The following FAM111B variants were observed in gnomAD, a reference collection of about 807,000 sequenced individuals.
FAM111B encodes FAM111 trypsin like peptidase B.
In FAM111B, 1 loss-of-function variant was observed where a neutral mutation model predicts 2.8. That is an observed-to-expected ratio of 0.36 (90% CI 0.13 to 1.70). The LOEUF (loss-of-function observed/expected upper bound fraction) is 1.70. Ranked by LOEUF, FAM111B falls within the 40% of genes most tolerant of loss-of-function variation. The probability of loss-of-function intolerance (pLI) is 0.35; values close to 1 mark genes in which losing one functional copy is unlikely to be tolerated. For synonymous variants in FAM111B, 297 were observed against 295.6 expected, an observed-to-expected ratio of 1.00 and a Z score of -0.05; for missense variants, 882 against 878.9, an observed-to-expected ratio of 1.00 and a Z score of -0.04.
At chr11:59,122,805 C>A (rs1859944348) in intron 3 of FAM111B, among the ~76,000 whole-genome samples, 1 of 152,024 alleles carries the variant, frequency 6.6e-6, no homozygotes, top group Non-Finnish European at 1.5e-5. Context: ...GATAGGAGAG[C>A]CCCAAGACGA....
chr11:59,114,057 AG>A (rs1859803789), intron 3 of FAM111B, among the ~76,000 whole-genome samples: 2 of 152,256 alleles, frequency 1.3e-5, no homozygotes, highest in South Asian at 4.1e-4. Context: ...GAACATACAA[AG>A]GTAACAGAAA....
chr11:59,113,500 C>G (rs1345862929), intron 3 of FAM111B, among the ~76,000 whole-genome samples: 1 of 152,214 alleles, frequency 6.6e-6, no homozygotes, highest in East Asian at 1.9e-4. Context: ...ATCCTGACAT[C>G]ATGCAGCTTT....
At position 59,124,756 on chromosome 11, in the gene FAM111B, C is replaced by A; in HGVS notation, c.659C>A (p.Thr220Asn). 6.2e-7 allele frequency: 1 copy of A among 1,613,748 alleles called. No homozygotes were observed. The highest frequency in any genetic ancestry group is 8.5e-7 in the Non-Finnish European group (1 of 1,179,810). Residue 220 changes from threonine to asparagine, a missense_variant, in exon 4 of 4, where the codon ACT becomes AAT. Transcript: ENST00000343597. ...KLCIYALKGETIEGALCKDGR... is the reference protein window; with the variant it reads ...KLCIYALKGENIEGALCKDGR... ...TGTATTTATGCCTTGAAGGGTGAGA[C>A]TATTGAAGGAGCCTTATGCAAGGAT... is the stretch of plus-strand genomic sequence containing the variant.
rs538348943 is a variant in FAM111B, at chr11:59,126,126, G to A, written c.2029G>A (p.Val677Met). The A allele has an allele frequency of 3.5e-5, 56 of 1,612,994 alleles. No individual in the cohort carries two copies. The Admixed American group carries it at 8.2e-4, about 24-fold the overall frequency. Reference protein sequence around the residue: ...FGLFYQRGFNVHALIEFGYSM... With the variant: ...FGLFYQRGFNMHALIEFGYSM... Reference sequence around the variant, plus strand: ...GCTTTTTTATCAACGAGGATTTAATGTGCATGCCCTTATTGAATTTGGTTA... The same window carrying A: ...GCTTTTTTATCAACGAGGATTTAATATGCATGCCCTTATTGAATTTGGTTA... Residue 677 changes from valine (V) to methionine (M), a missense_variant, in exon 4 of 4, where the codon GTG (valine) becomes ATG (methionine). Transcript: ENST00000343597.
intron 3 of FAM111B, among the ~76,000 whole-genome samples, chr11:59,116,336 T>C (rs1233879849): frequency 1.3e-5 from 2 of 152,236 alleles, no homozygotes; most frequent in Non-Finnish European, 2.9e-5. Context: ...CAAATATGCC[T>C]GACCACACAT....
intron 3 of FAM111B, 81 bp downstream of exon 3, chr11:59,109,787 T>G: frequency 1.1e-6 from 1 of 871,792 alleles, no homozygotes; most frequent in East Asian, 2.6e-5. Context: ...GATAAGTTCT[T>G]AAACAATGGT....
intron 3 of FAM111B, among the ~76,000 whole-genome samples, chr11:59,118,617 A>G (rs1045142408): frequency 2.6e-4 from 40 of 152,312 alleles, no homozygotes; most frequent in African/African-American, 9.1e-4. Flanking sequence ...TGCCAGAGCA[A>G]ACATTCTTGT....
At chr11:59,114,025 A>G (rs973147781) in intron 3 of FAM111B, among the ~76,000 whole-genome samples, 8 of 152,244 alleles carry the variant, frequency 5.3e-5, no homozygotes, top group Middle Eastern at 3.2e-3. Context: ...AGACAAATAG[A>G]AAGTTTTCGC....
At chr11:59,112,378 T>C (rs111810296) in intron 3 of FAM111B, among the ~76,000 whole-genome samples, 3,252 of 152,330 alleles carry the variant, frequency 0.021, 127 homozygotes, top group African/African-American at 0.074. Flanking sequence ...ACTGTGTGAA[T>C]GTATCAAAAT....
At position 59,113,893 on chromosome 11, in the gene FAM111B, G is replaced by A. The variant is rs1381298224; in HGVS notation, c.81+4187G>A. 2.0e-5 allele frequency among the ~76,000 whole-genome samples: 3 copies of A among 152,204 alleles called. No homozygotes were observed. The East Asian group carries it at 5.8e-4, about 29-fold the overall frequency. ...TTTGTTCAGAATGCATTTGAAACCT[G>A]GCCCCTCGGCAAACTTTACTGACCA... On this transcript the variant is annotated intron_variant, in intron 3 of 3. Transcript: ENST00000343597.
At chr11:59,112,747 C>T (rs1590887984) in intron 3 of FAM111B, among the ~76,000 whole-genome samples, 1 of 152,182 alleles carries the variant, frequency 6.6e-6, no homozygotes, top group Non-Finnish European at 1.5e-5. Flanking sequence ...CACTATGACT[C>T]ATGATTTGAG....
chr11:59,109,568 C>G lies in FAM111B; in HGVS notation c.-58C>G. On this transcript the variant is annotated 5_prime_UTR_variant, in exon 3 of 4. In the 5' UTR this introduces an upstream ATG that the reference lacks. Transcript: ENST00000343597. ...TTTCAGGTGGCAGAATAAATTCAAT[C>G]CTTGTTTCTCCATCTTATCGAGTAG... The G allele has an allele frequency of 8.2e-7, 1 of 1,217,394 alleles. No individual in the cohort carries two copies. The highest frequency in any genetic ancestry group is 2.2e-5 in the Admixed American group (1 of 44,948). 75.4% of individuals were successfully genotyped at this position (1,217,394 alleles called of 1,614,324 possible).
intron 3 of FAM111B, among the ~76,000 whole-genome samples, chr11:59,114,345 G>A (rs1423806889): frequency 2.0e-5 from 3 of 152,202 alleles, no homozygotes; most frequent in Non-Finnish European, 4.4e-5. Context: ...GAAGATGCTT[G>A]AAGGGATAGA....
In FAM111B at chr11:59,125,773, C is replaced by A; in HGVS notation, c.1676C>A (p.Pro559Gln). The change falls in exon 4 of 4, where the codon CCA becomes CAA. Residue 559 changes from proline (P) to glutamine (Q), a missense_variant. Physicochemically the swap from Pro to Gln is moderately conservative, Grantham distance 76 (BLOSUM62 -1). Transcript: ENST00000343597. ...KLKENGNAFP[P>Q]GLWRQISPQP... ...AAAGAAAATGGAAATGCGTTTCCTC[C>A]AGGACTATGGCGACAGATTTCTCCT... 6.2e-7 allele frequency: 1 copy of A among 1,613,792 alleles called. No individual in the cohort carries two copies. The highest frequency in any genetic ancestry group is 8.5e-7 in the Non-Finnish European group (1 of 1,179,832).
intron 1 of FAM111B, 30 bp from the exon 2 acceptor site, chr11:59,108,638 C>A (rs577169067): frequency 2.0e-5 from 3 of 152,610 alleles, no homozygotes; most frequent in Admixed American, 1.3e-4. Context: ...ATGTTTTGCT[C>A]TTTTTTGTTT....
chr11:59,111,153 T>G (rs1859752402), intron 3 of FAM111B, among the ~76,000 whole-genome samples: 1 of 152,142 alleles, frequency 6.6e-6, no homozygotes, highest in African/African-American at 2.4e-5. Flanking sequence ...GATGCTTTAC[T>G]CTCCCTATAA....
intron 3 of FAM111B, 183 bp downstream of exon 3, chr11:59,109,889 A>G (rs113526559): frequency 4.7e-4 from 183 of 389,068 alleles, no homozygotes; most frequent in African/African-American, 3.3e-3. Flanking sequence ...AGAGTTAACA[A>G]TGCTAAACGT....
rs1859993444 is a variant in FAM111B at position 59,124,951 on chromosome 11, A to G, written c.854A>G (p.Gln285Arg). The change falls in exon 4 of 4, where the codon CAG becomes CGG. Residue 285 changes from glutamine (Q) to arginine (R), a missense_variant. Physicochemically the swap from Gln to Arg is conservative, Grantham distance 43. Coordinates refer to ENST00000343597, the MANE Select transcript of FAM111B (RefSeq NM_198947.4). Reference protein sequence around the residue: ...QQKDIHKKIKQNESATDEINH... With the variant: ...QQKDIHKKIKRNESATDEINH... ...AAAGATATCCATAAAAAAATTAAACAGAATGAAAGTGCCACTGATGAAATT... is the reference window on the plus strand; with the variant it reads ...AAAGATATCCATAAAAAAATTAAACGGAATGAAAGTGCCACTGATGAAATT... 6.2e-7 allele frequency: 1 copy of G among 1,606,902 alleles called. No homozygotes were observed. The highest frequency in any genetic ancestry group is 8.5e-7 in the Non-Finnish European group (1 of 1,178,250).
At position 59,126,310 on chromosome 11, in the gene FAM111B, A is replaced by G. The variant is rs367710986; in HGVS notation, c.*8A>G. 1 of 1,498,760 alleles carries G rather than the reference A, an allele frequency of 6.7e-7. No individual in the cohort carries two copies. Among genetic ancestry groups the G allele is most frequent in the East Asian group, 2.3e-5 (1 of 43,440 alleles). The allele number at this position is 1,498,760 out of a possible 1,614,324, so 92.8% of individuals were successfully genotyped here. On this transcript the variant is annotated 3_prime_UTR_variant, in exon 4 of 4. Transcript: ENST00000343597. ...GAACCCATGGAATGTTAGAAAAGAGATGCTGTCTTCAAGAAAATATGCCAA... is the reference window on the plus strand; with the variant it reads ...GAACCCATGGAATGTTAGAAAAGAGGTGCTGTCTTCAAGAAAATATGCCAA...
Sources: gnomAD v4.1 joint callset for allele counts (sites outside exome capture counted in the v4.1 genomes callset) on GRCh38, gnomAD v4.1.1 for gene constraint, MANE v1.5 for transcripts, NCBI Gene and HGNC (gene_info 2026-07-23, HGNC 2026-07-21) for gene names.